The following GRIP1 variants were observed in gnomAD, a reference collection of about 807,000 sequenced individuals.
GRIP1 encodes the protein glutamate receptor-interacting protein 1.
Under a neutral mutation model 129.9 loss-of-function variants are expected in GRIP1, and 45 were observed. That is an observed-to-expected ratio of 0.35 (90% CI 0.27 to 0.44). GRIP1 has a LOEUF of 0.44. Among genes scored for constraint, GRIP1 ranks in the 20% least tolerant of loss-of-function variants. The probability of loss-of-function intolerance (pLI) is 1.00; values close to 1 mark genes in which losing one functional copy is unlikely to be tolerated. For synonymous variants in GRIP1, 530 were observed against 520.8 expected, an observed-to-expected ratio of 1.02 and a Z score of -0.24; for missense variants, 1,196 against 1,396.8, an observed-to-expected ratio of 0.86 and a Z score of 2.29.
intron 1 of GRIP1, among the ~76,000 whole-genome samples, chr12:66,996,693 C>G (rs1048323878): frequency 2.0e-5 from 3 of 152,168 alleles, no homozygotes; most frequent in African/African-American, 4.8e-5. Flanking sequence ...TCCTGGAAGA[C>G]AGAGTGATGT....
intron 1 of GRIP1, among the ~76,000 whole-genome samples, chr12:66,744,674 G>A (rs2036890836): frequency 6.6e-6 from 1 of 152,032 alleles, no homozygotes. Context: ...TATATCTCCT[G>A]TCTTTGCACA....
chr12:66,741,808 T>C (rs1281339320), intron 1 of GRIP1, among the ~76,000 whole-genome samples: 1 of 152,178 alleles, frequency 6.6e-6, no homozygotes, highest in Non-Finnish European at 1.5e-5. Flanking sequence ...TATTATCAGA[T>C]AGGACAGACT....
intron 7 of GRIP1, among the ~76,000 whole-genome samples, chr12:66,475,714 G>A (rs532964287): frequency 8.5e-5 from 13 of 152,272 alleles, no homozygotes; most frequent in African/African-American, 2.9e-4. Flanking sequence ...TGAACAACTT[G>A]CTCCTGAATG....
intron 24 of GRIP1, among the ~76,000 whole-genome samples, chr12:66,352,961 A>AAATGAATG (rs377252334): frequency 5.3e-5 from 8 of 152,140 alleles, no homozygotes; most frequent in African/African-American, 1.9e-4. Context: ...TCTGTCTCAA[A>AAATGAATG]AATGAATGAA....
At chr12:66,934,943 G>A (rs1008747984) in intron 1 of GRIP1, among the ~76,000 whole-genome samples, 4 of 152,164 alleles carry the variant, frequency 2.6e-5, no homozygotes, top group Admixed American at 6.5e-5. Flanking sequence ...CAAAGCCCTC[G>A]AGCCAAGGAA....
At chr12:66,940,424 A>G (rs2041566050) in intron 1 of GRIP1, among the ~76,000 whole-genome samples, 1 of 152,022 alleles carries the variant, frequency 6.6e-6, no homozygotes, top group Non-Finnish European at 1.5e-5. Flanking sequence ...TGCACTCCCA[A>G]CCTAGTCACG....
intron 1 of GRIP1, among the ~76,000 whole-genome samples, chr12:66,873,479 G>C (rs540986745): frequency 2.0e-5 from 3 of 152,144 alleles, no homozygotes; most frequent in Admixed American, 6.6e-5. Context: ...TTTAAGTCTT[G>C]ATACTATCAA....
chr12:66,647,420 A>G (rs920416221), intron 1 of GRIP1: 19 of 152,190 alleles, frequency 1.2e-4, no homozygotes, highest in Admixed American at 1.2e-3. Context: ...AATATTTTTC[A>G]GTTTCCTCTA....
At chr12:66,496,854 GGAAAA>G (rs1192638101) in intron 7 of GRIP1, among the ~76,000 whole-genome samples, 2 of 138,116 alleles carry the variant, frequency 1.4e-5, no homozygotes, top group Admixed American at 7.9e-5. Flanking sequence ...GGAAGAGAAG[GGAAAA>G]GAAAAGAAAG....
chr12:66,634,199 T>C (rs1426245541), intron 1 of GRIP1, among the ~76,000 whole-genome samples: 1 of 152,218 alleles, frequency 6.6e-6, no homozygotes, highest in African/African-American at 2.4e-5. Flanking sequence ...GAAATTTAAA[T>C]GTTAATGTCC....
intron 1 of GRIP1, among the ~76,000 whole-genome samples, chr12:66,642,014 A>T (rs747068118): frequency 2.0e-5 from 3 of 152,202 alleles, no homozygotes; most frequent in Non-Finnish European, 4.4e-5. Flanking sequence ...CCTCAGTGCC[A>T]AGTTACAATG....
At chr12:67,055,774 C>T (rs1485069614) in intron 1 of GRIP1, among the ~76,000 whole-genome samples, 1 of 152,060 alleles carries the variant, frequency 6.6e-6, no homozygotes, top group Non-Finnish European at 1.5e-5. Context: ...TCTCACAGAC[C>T]TTCTGAAAGT....
intron 19 of GRIP1, among the ~76,000 whole-genome samples, chr12:66,386,771 T>C (rs1318282191): frequency 6.6e-6 from 1 of 152,270 alleles, no homozygotes; most frequent in Non-Finnish European, 1.5e-5. Flanking sequence ...CTGCCAAATT[T>C]GTTTTCTAAA....
intron 13 of GRIP1, among the ~76,000 whole-genome samples, chr12:66,438,314 T>G (rs1292107491): frequency 6.6e-6 from 1 of 151,964 alleles, no homozygotes; most frequent in African/African-American, 2.4e-5. Context: ...CAATAAAAAG[T>G]CAGAGGAAAC....
At chr12:66,366,408 G>C (rs1338666121) in intron 23 of GRIP1, among the ~76,000 whole-genome samples, 1 of 152,114 alleles carries the variant, frequency 6.6e-6, no homozygotes, top group African/African-American at 2.4e-5. Context: ...CTCCCCTCTT[G>C]GAAAACTCAA....
At chr12:66,493,848 T>C (rs2060168236) in intron 7 of GRIP1, among the ~76,000 whole-genome samples, 1 of 152,200 alleles carries the variant, frequency 6.6e-6, no homozygotes. Context: ...AGACTCTAAA[T>C]TGGGAGTAAA....
At chr12:66,575,511 A>C (rs1448568163) in intron 2 of GRIP1, among the ~76,000 whole-genome samples, 1 of 152,170 alleles carries the variant, frequency 6.6e-6, no homozygotes, top group Non-Finnish European at 1.5e-5. Flanking sequence ...AAACTCCTAA[A>C]ACTTTCTTTC....
intron 1 of GRIP1, among the ~76,000 whole-genome samples, chr12:67,011,758 T>A (rs182439960): frequency 6.6e-6 from 1 of 152,172 alleles, no homozygotes; most frequent in Non-Finnish European, 1.5e-5. Context: ...TTTATTCACA[T>A]ATTTGAGAAT....
chr12:66,546,299 C>T (rs1356184053), intron 2 of GRIP1, among the ~76,000 whole-genome samples: 1 of 151,224 alleles, frequency 6.6e-6, no homozygotes, highest in East Asian at 1.9e-4. Flanking sequence ...AGAGCAGCAA[C>T]ACAGTGAGAT....
Sources: gnomAD v4.1 joint callset for allele counts (sites outside exome capture counted in the v4.1 genomes callset) on GRCh38, gnomAD v4.1.1 for gene constraint, MANE v1.5 for transcripts, NCBI Gene and HGNC (gene_info 2026-07-23, HGNC 2026-07-21) for gene names.